AGBL1: variants seen among roughly 807,000 people sequenced by gnomAD.
AGBL1 encodes AGBL carboxypeptidase 1.
AGBL1 carries 130 observed loss-of-function variants against 118.9 expected under a neutral mutation model. That is an observed-to-expected ratio of 1.09 (90% CI 0.95 to 1.26). AGBL1 has a LOEUF of 1.26. AGBL1 is among the 50% of genes most tolerant of loss of function. The pLI is 0.00. For missense variants in AGBL1, 1,584 were observed against 1,298.1 expected (o/e 1.22, Z -3.38); for synonymous variants, 555 against 478.9 (o/e 1.16, Z -2.08).
At chr15:86,250,499 C>G (rs1421784938) in intron 7 of AGBL1, among the ~76,000 whole-genome samples, 1 of 113,248 alleles carries the variant, frequency 8.8e-6, no homozygotes, top group Non-Finnish European at 1.6e-5. Context: ...GCACTCCAGT[C>G]TGGGCAACAG....
intron 21 of AGBL1, among the ~76,000 whole-genome samples, chr15:86,571,614 G>A (rs986838870): frequency 6.6e-6 from 1 of 152,180 alleles, no homozygotes; most frequent in Non-Finnish European, 1.5e-5. Flanking sequence ...AGCAGAGAAG[G>A]TAATTCTTCT....
At chr15:86,573,093 A>C (rs2084033913) in intron 21 of AGBL1, among the ~76,000 whole-genome samples, 1 of 152,226 alleles carries the variant, frequency 6.6e-6, no homozygotes, top group Admixed American at 6.5e-5. Context: ...TTGTTTCATC[A>C]ATTAGTCAAC....
chr15:86,578,224 A>G (rs765705431), intron 21 of AGBL1, among the ~76,000 whole-genome samples: 3 of 152,224 alleles, frequency 2.0e-5, no homozygotes, highest in Admixed American at 6.5e-5. Context: ...GATGTGAGAC[A>G]TGGAGTCAAA....
At chr15:86,631,412 C>G (rs1219015022) in intron 21 of AGBL1, among the ~76,000 whole-genome samples, 2 of 152,108 alleles carry the variant, frequency 1.3e-5, no homozygotes, top group African/African-American at 4.8e-5. Flanking sequence ...CAGCATAAGT[C>G]AAAGATAAAG....
At chr15:86,452,482 C>T (rs10520631) in intron 18 of AGBL1, among the ~76,000 whole-genome samples, 34,343 of 152,080 alleles carry the variant, frequency 0.23, 5,283 homozygotes, top group African/African-American at 0.43. Context: ...CCAGGAACTC[C>T]TTCATGGAAA....
At chr15:86,899,206 TAA>T (rs1567230273) in intron 22 of AGBL1, among the ~76,000 whole-genome samples, 1 of 152,184 alleles carries the variant, frequency 6.6e-6, no homozygotes, top group African/African-American at 2.4e-5. Flanking sequence ...TATGCAGCCG[TAA>T]AAAAGAATGA....
intron 24 of AGBL1, among the ~76,000 whole-genome samples, chr15:87,015,710 A>G (rs1172076982): frequency 6.6e-6 from 1 of 152,134 alleles, no homozygotes. Context: ...CAATTATAGT[A>G]ATTTCATCCT....
At chr15:86,734,746 C>T (rs1173148633) in intron 22 of AGBL1, among the ~76,000 whole-genome samples, 1 of 152,186 alleles carries the variant, frequency 6.6e-6, no homozygotes, top group Non-Finnish European at 1.5e-5. Context: ...CAGATGACTC[C>T]TTCCCACTGG....
intron 5 of AGBL1, among the ~76,000 whole-genome samples, chr15:86,202,304 CA>C (rs759847610): frequency 6.6e-5 from 10 of 152,136 alleles, no homozygotes; most frequent in Non-Finnish European, 1.5e-4. Context: ...AAAAACAAAA[CA>C]AAAACAGGTA....
intron 6 of AGBL1, among the ~76,000 whole-genome samples, chr15:86,236,006 C>T (rs1426916140): frequency 1.3e-5 from 2 of 152,240 alleles, no homozygotes; most frequent in East Asian, 3.8e-4. Context: ...GATTGACTGA[C>T]TTGCCCGAGA....
chr15:86,786,295 C>T (rs968721815), intron 22 of AGBL1, among the ~76,000 whole-genome samples: 10 of 151,970 alleles, frequency 6.6e-5, no homozygotes, highest in Non-Finnish European at 1.2e-4. Context: ...TGTGATGTTC[C>T]CCTGATTCTT....
intron 17 of AGBL1, among the ~76,000 whole-genome samples, chr15:86,302,941 T>C (rs2079777460): frequency 6.6e-6 from 1 of 152,140 alleles, no homozygotes; most frequent in South Asian, 2.1e-4. Flanking sequence ...AAGGCAATTA[T>C]GAGCTAATAG....
chr15:86,537,133 CT>C (rs1172188390), intron 19 of AGBL1, among the ~76,000 whole-genome samples: 1 of 152,198 alleles, frequency 6.6e-6, no homozygotes, highest in Non-Finnish European at 1.5e-5. Flanking sequence ...GGGCAAATCT[CT>C]TTACAGGGAC....
At chr15:86,889,500 A>G (rs1213234453) in intron 22 of AGBL1, among the ~76,000 whole-genome samples, 1 of 152,090 alleles carries the variant, frequency 6.6e-6, no homozygotes, top group Non-Finnish European at 1.5e-5. Flanking sequence ...CCTAGGTATT[A>G]AGCCCAACAT....
At chr15:86,846,248 T>A (rs1337369372) in intron 22 of AGBL1, among the ~76,000 whole-genome samples, 1 of 152,230 alleles carries the variant, frequency 6.6e-6, no homozygotes, top group African/African-American at 2.4e-5. Flanking sequence ...TGTCTTGTTT[T>A]CATTTTTGAA....
intron 18 of AGBL1, among the ~76,000 whole-genome samples, chr15:86,489,734 C>T (rs755358560): frequency 1.3e-5 from 2 of 152,078 alleles, no homozygotes; most frequent in African/African-American, 2.4e-5. Context: ...CCTGTAAAGC[C>T]CAAGACATTT....
intron 6 of AGBL1, among the ~76,000 whole-genome samples, chr15:86,229,383 CA>C (rs1222290998): frequency 2.0e-5 from 3 of 151,902 alleles, no homozygotes; most frequent in African/African-American, 7.3e-5. Context: ...AGCAAAAGGG[CA>C]AAAAAACCCT....
Position 86,946,676 on chromosome 15 carries a change from C to T in AGBL1, c.3222-41311C>T, listed in dbSNP as rs572401990. Among the ~76,000 whole-genome samples, 6 of 151,492 alleles carry T rather than the reference C, an allele frequency of 4.0e-5. No individual in the cohort carries two copies. The East Asian group carries it at 9.8e-4, about 25-fold the overall frequency. On this transcript the variant is annotated intron_variant, in intron 23 of 24. Transcript: ENST00000441037. ...CAGCCTGACCAACATGGAGAAACCC[C>T]GTCTCTACTAAAAATACAAAATTAG...
chr15:86,999,649 C>T (rs903536539), intron 24 of AGBL1, among the ~76,000 whole-genome samples: 3 of 150,664 alleles, frequency 2.0e-5, no homozygotes, highest in African/African-American at 7.4e-5. Context: ...GGGTTGGTTC[C>T]AAGTCTTTGC....
Sources: allele counts gnomAD v4.1 joint callset (sites outside exome capture counted in the v4.1 genomes callset), GRCh38; gene constraint gnomAD v4.1.1; transcripts MANE v1.5; gene names NCBI Gene and HGNC (gene_info 2026-07-23, HGNC 2026-07-21).